The following GSE1 variants were observed in gnomAD, a reference collection of about 807,000 sequenced individuals.
The protein encoded by GSE1 is Gse1 coiled-coil protein, also known as genetic suppressor element 1.
In GSE1, 32 loss-of-function variants were observed where a neutral mutation model predicts 112.6. That is an observed-to-expected ratio of 0.28 (90% confidence interval 0.21 to 0.38). The LOEUF is 0.38. GSE1 is among the 10% of genes least tolerant of loss of function. The probability of loss-of-function intolerance (pLI) is 1.00; values close to 1 mark genes in which losing one functional copy is unlikely to be tolerated. For missense variants in GSE1, 2,348 were observed against 1,699.2 expected, an observed-to-expected ratio of 1.38 and a Z score of -6.71; for synonymous variants, 1,115 against 735.6, an observed-to-expected ratio of 1.52 and a Z score of -8.35.
intron 2 of GSE1, among the ~76,000 whole-genome samples, chr16:85,384,093 A>G (rs993554748): frequency 5.3e-5 from 8 of 151,988 alleles, no homozygotes; most frequent in African/African-American, 1.7e-4. Context: ...GTCTCCCTCG[A>G]CCCTCCGGCC....
rs545993471 is a variant in GSE1, at chr16:85,628,209, C to T, written c.8-5705C>T. ...CCAGTGCACACATACTGAGGAGCAG[C>T]GCTAATTTTAGATTCCCCCTAATGA... On this transcript the variant is annotated intron_variant, in intron 1 of 15. Transcript: ENST00000253458. 6.6e-4 allele frequency among the ~76,000 whole-genome samples: 101 copies of T among 152,368 alleles called. 1 individual carries two copies. In the East Asian group the frequency reaches 9.6e-3, roughly 15 times the overall value.
At chr16:85,641,691 G>T (rs189107754) in intron 2 of GSE1, among the ~76,000 whole-genome samples, 1 of 152,372 alleles carries the variant, frequency 6.6e-6, no homozygotes, top group East Asian at 1.9e-4. Flanking sequence ...TTCCAGACCC[G>T]CACCATTCCC....
At chr16:85,324,490 A>G (rs368940937) in intron 1 of GSE1, among the ~76,000 whole-genome samples, 1 of 149,612 alleles carries the variant, frequency 6.7e-6, no homozygotes, top group African/African-American at 2.5e-5. Context: ...AGCCTGGGTG[A>G]CAGAGCGAGA....
intron 2 of GSE1, among the ~76,000 whole-genome samples, chr16:85,481,516 T>G (rs8053194): frequency 0.59 from 89,467 of 152,008 alleles, 26,504 homozygotes; most frequent in Non-Finnish European, 0.6. Context: ...TGTGGATGGC[T>G]CCTCTTCCTT....
intron 2 of GSE1, among the ~76,000 whole-genome samples, chr16:85,511,065 C>T (rs760691544): frequency 1.3e-5 from 2 of 152,256 alleles, no homozygotes; most frequent in Non-Finnish European, 2.9e-5. Flanking sequence ...TGTTTCTTCA[C>T]TCCTATGTCC....
chr16:85,315,904 C>T (rs1431231718), intron 1 of GSE1, among the ~76,000 whole-genome samples: 2 of 151,950 alleles, frequency 1.3e-5, no homozygotes, highest in African/African-American at 4.8e-5. Flanking sequence ...CATCCCACGC[C>T]AGAGCACGGT....
intron 2 of GSE1, among the ~76,000 whole-genome samples, chr16:85,367,401 G>A (rs1350891593): frequency 1.3e-5 from 2 of 152,238 alleles, no homozygotes; most frequent in Admixed American, 6.5e-5. Context: ...GGGCATGGGG[G>A]GCATAGCAGG....
chr16:85,657,944 A>G (rs190214738), intron 8 of GSE1, among the ~76,000 whole-genome samples: 2 of 152,330 alleles, frequency 1.3e-5, no homozygotes, highest in Non-Finnish European at 2.9e-5. Context: ...AATTACTAAT[A>G]ATACCTGTTC....
intron 1 of GSE1, among the ~76,000 whole-genome samples, chr16:85,223,806 T>C (rs2075434735): frequency 6.6e-6 from 1 of 151,968 alleles, no homozygotes; most frequent in Non-Finnish European, 1.5e-5. Flanking sequence ...GGTTTCACCA[T>C]GTTGGCCAGG....
chr16:85,261,792 C>T (rs930200487), intron 1 of GSE1, among the ~76,000 whole-genome samples: 3 of 152,170 alleles, frequency 2.0e-5, no homozygotes, highest in African/African-American at 7.2e-5. Context: ...AGTCTACAGA[C>T]AAGGAAGCTG....
intron 1 of GSE1, among the ~76,000 whole-genome samples, chr16:85,200,618 C>T (rs2075010053): frequency 6.6e-6 from 1 of 152,138 alleles, no homozygotes; most frequent in Admixed American, 6.5e-5. Context: ...ACGCAGCATT[C>T]ACTGACAATG....
intron 2 of GSE1, among the ~76,000 whole-genome samples, chr16:85,386,468 C>T (rs922635816): frequency 1.3e-5 from 2 of 152,214 alleles, no homozygotes; most frequent in Non-Finnish European, 2.9e-5. Context: ...TGAGCTGTCG[C>T]CATGACGGGC....
intron 14 of GSE1, among the ~76,000 whole-genome samples, chr16:85,669,995 C>A (rs1275295362): frequency 6.6e-6 from 1 of 152,234 alleles, no homozygotes; most frequent in Non-Finnish European, 1.5e-5. Flanking sequence ...TTTAGGATCG[C>A]CTTATATTCA....
At chr16:85,331,707 ATTTTTTTT>A (rs566551746) in intron 1 of GSE1, among the ~76,000 whole-genome samples, 3,399 of 51,950 alleles carry the variant, frequency 0.065, 123 homozygotes, top group South Asian at 0.15. Flanking sequence ...ATATATATAT[ATTTTTTTT>A]TTTTTTTTTT....
chr16:85,541,436 C>T (rs534642415), intron 2 of GSE1, among the ~76,000 whole-genome samples: 15 of 152,342 alleles, frequency 9.8e-5, no homozygotes, highest in African/African-American at 3.4e-4. Flanking sequence ...CTGTCCTGAC[C>T]GTGTCCCCAC....
intron 2 of GSE1, among the ~76,000 whole-genome samples, chr16:85,471,619 G>A (rs1365456990): frequency 6.6e-6 from 1 of 152,094 alleles, no homozygotes; most frequent in Non-Finnish European, 1.5e-5. Context: ...TCGCTATGTT[G>A]CCCAGACTGG....
chr16:85,390,689 A>T (rs929900824), intron 2 of GSE1, among the ~76,000 whole-genome samples: 1 of 13,368 alleles, frequency 7.5e-5, no homozygotes, highest in Non-Finnish European at 1.9e-4. Context: ...TGTCCCCCCC[A>T]CCGCCTTGTT....
At chr16:85,170,464 C>T in exon 1 of GSE1, 1 of 985,636 alleles carries the variant, frequency 1.0e-6, no homozygotes, top group Non-Finnish European at 1.2e-6. Flanking sequence ...GGAGACCCTA[C>T]GGGGCTTCTG....
chr16:85,376,073 G>T (rs1219788843), intron 2 of GSE1, among the ~76,000 whole-genome samples: 1 of 152,120 alleles, frequency 6.6e-6, no homozygotes, highest in Non-Finnish European at 1.5e-5. Flanking sequence ...CCTTGGGCCT[G>T]AGCAACTGCC....
Sources: gnomAD v4.1 joint callset for allele counts (sites outside exome capture counted in the v4.1 genomes callset) on GRCh38, gnomAD v4.1.1 for gene constraint, MANE v1.5 for transcripts, NCBI Gene and HGNC (gene_info 2026-07-23, HGNC 2026-07-21) for gene names.